Variants in CSMD1 observed in about 807,000 individuals in gnomAD.
CSMD1 encodes CUB and Sushi multiple domains 1.
Under a neutral mutation model 417.5 loss-of-function variants are expected in CSMD1, and 213 were observed. That is an observed-to-expected ratio of 0.51 (90% CI 0.46 to 0.57). The LOEUF is 0.57. Ranked by LOEUF, CSMD1 falls within the 20% of genes least tolerant of loss-of-function variation. The probability of loss-of-function intolerance (pLI) is 0.00; values close to 1 mark genes in which losing one functional copy is unlikely to be tolerated. For synonymous variants in CSMD1, 2,862 were observed against 1,736.8 expected (o/e 1.65, Z -16.11); for missense variants, 6,923 against 4,529.7 (o/e 1.53, Z -15.17).
chr8:3,171,009 G>A (rs1178923461), intron 37 of CSMD1, among the ~76,000 whole-genome samples: 1 of 152,188 alleles, frequency 6.6e-6, no homozygotes, highest in Non-Finnish European at 1.5e-5. Flanking sequence ...TCTGCTCAAA[G>A]TGACATTTTG....
intron 1 of CSMD1, among the ~76,000 whole-genome samples, chr8:4,958,673 T>C (rs1253237131): frequency 6.6e-6 from 1 of 152,316 alleles, no homozygotes; most frequent in African/African-American, 2.4e-5. Context: ...TGAGTTACCA[T>C]GGAGTTTTTA....
chr8:3,944,298 A>G (rs143770748), intron 5 of CSMD1, among the ~76,000 whole-genome samples: 1 of 152,120 alleles, frequency 6.6e-6, no homozygotes, highest in Non-Finnish European at 1.5e-5. Flanking sequence ...TGTCAGTTTG[A>G]GCCCCGGATA....
intron 36 of CSMD1, among the ~76,000 whole-genome samples, chr8:3,182,644 G>T (rs1459221664): frequency 4.0e-4 from 30 of 74,472 alleles, no homozygotes; most frequent in Non-Finnish European, 8.6e-4. Flanking sequence ...ATTGTTAGTA[G>T]AGAAGGGGGA....
intron 7 of CSMD1, among the ~76,000 whole-genome samples, chr8:3,665,855 C>G (rs1287009405): frequency 2.0e-5 from 3 of 152,066 alleles, no homozygotes; most frequent in Non-Finnish European, 4.4e-5. Flanking sequence ...CATTTATGAC[C>G]TCAGTGTTGG....
chr8:3,536,343 G>C (rs906644127), intron 10 of CSMD1, among the ~76,000 whole-genome samples: 20 of 152,298 alleles, frequency 1.3e-4, no homozygotes, highest in African/African-American at 4.8e-4. Flanking sequence ...TTCAATTAAT[G>C]TTAACACTTA....
At chr8:3,138,301 C>A (rs1406889306) in intron 41 of CSMD1, among the ~76,000 whole-genome samples, 6 of 152,116 alleles carry the variant, frequency 3.9e-5, no homozygotes, top group African/African-American at 1.2e-4. Context: ...GTTGGGATGG[C>A]AGGGAACTCT....
chr8:4,233,285 C>G (rs1354694727), intron 3 of CSMD1, among the ~76,000 whole-genome samples: 3 of 152,188 alleles, frequency 2.0e-5, no homozygotes, highest in Non-Finnish European at 2.9e-5. Flanking sequence ...AGTGCCCACT[C>G]TCCGCCAGCC....
At chr8:4,538,893 T>A (rs1049727582) in intron 2 of CSMD1, among the ~76,000 whole-genome samples, 6 of 152,200 alleles carry the variant, frequency 3.9e-5, no homozygotes, top group Admixed American at 3.3e-4. Context: ...AAAGTTCCCC[T>A]TTTATGGAAT....
intron 5 of CSMD1, among the ~76,000 whole-genome samples, chr8:3,818,898 C>A (rs1277000513): frequency 6.6e-6 from 1 of 152,142 alleles, no homozygotes; most frequent in South Asian, 2.1e-4. Flanking sequence ...AACTTGAAAG[C>A]AAGACCACCG....
intron 12 of CSMD1, among the ~76,000 whole-genome samples, chr8:3,442,809 A>G (rs1465607331): frequency 6.6e-6 from 1 of 152,012 alleles, no homozygotes; most frequent in Non-Finnish European, 1.5e-5. Context: ...GTCTATATTT[A>G]TGAGAGATAT....
chr8:4,986,863 G>C (rs181947464), intron 1 of CSMD1, among the ~76,000 whole-genome samples: 2 of 152,294 alleles, frequency 1.3e-5, no homozygotes, highest in African/African-American at 2.4e-5. Context: ...TAAATGGTCT[G>C]TGAAAGATTA....
intron 7 of CSMD1, among the ~76,000 whole-genome samples, chr8:3,689,831 T>C (rs1294142987): frequency 6.6e-6 from 1 of 152,220 alleles, no homozygotes; most frequent in Non-Finnish European, 1.5e-5. Flanking sequence ...TCCAAACTAC[T>C]GGGCTCAGAA....
chr8:4,449,360 T>C (rs1298098415), intron 2 of CSMD1, among the ~76,000 whole-genome samples: 3 of 152,198 alleles, frequency 2.0e-5, no homozygotes, highest in Non-Finnish European at 4.4e-5. Flanking sequence ...CTCTCTTTTT[T>C]TCCAGAATGA....
rs148837240 is a variant in CSMD1, at chr8:4,595,900, C to T, written c.302+41442G>A. On this transcript the variant is annotated intron_variant, in intron 2 of 69. Transcript: ENST00000635120. The stretch of plus-strand genomic sequence containing the variant: ...TGCATGGAATGATCTTGCATGCAGC[C>T]ATCCACTCTTAAGGCCTGACTGTAA... 5.9e-5 allele frequency among the ~76,000 whole-genome samples: 9 copies of T among 152,172 alleles called. No homozygotes were observed. In the East Asian group the frequency reaches 9.7e-4, roughly 16 times the overall value.
intron 10 of CSMD1, among the ~76,000 whole-genome samples, chr8:3,548,993 C>G (rs76174908): frequency 0.063 from 9,630 of 152,148 alleles, 632 homozygotes; most frequent in African/African-American, 0.16. Context: ...CCCAATATAC[C>G]TGGGTTTCCT....
At chr8:4,064,830 T>A (rs1306361943) in intron 3 of CSMD1, among the ~76,000 whole-genome samples, 1 of 152,142 alleles carries the variant, frequency 6.6e-6, no homozygotes, top group South Asian at 2.1e-4. Flanking sequence ...ATCTATATCA[T>A]GTCAATAATG....
chr8:4,958,276 C>T (rs993817819), intron 1 of CSMD1, among the ~76,000 whole-genome samples: 35 of 152,094 alleles, frequency 2.3e-4, no homozygotes, highest in Non-Finnish European at 2.9e-4. Context: ...AATGAAAGTG[C>T]ACATATTTGA....
intron 50 of CSMD1, among the ~76,000 whole-genome samples, chr8:3,040,487 A>T (rs992395851): frequency 2.7e-5 from 4 of 150,080 alleles, no homozygotes; most frequent in African/African-American, 7.3e-5. Flanking sequence ...TAAACATATA[A>T]ACATATATAT....
intron 1 of CSMD1, among the ~76,000 whole-genome samples, chr8:4,933,084 C>T (rs1428055781): frequency 1.4e-5 from 2 of 140,198 alleles, no homozygotes; most frequent in South Asian, 2.3e-4. Context: ...TCTTTTGCGG[C>T]TTGAAGTAAT....
Sources: gnomAD v4.1 joint callset for allele counts (sites outside exome capture counted in the v4.1 genomes callset) on GRCh38, gnomAD v4.1.1 for gene constraint, MANE v1.5 for transcripts, NCBI Gene and HGNC (gene_info 2026-07-23, HGNC 2026-07-21) for gene names.